The following IQGAP1 variants were observed in gnomAD, a reference collection of about 807,000 sequenced individuals.
IQGAP1 encodes IQ motif containing GTPase activating protein 1.
In IQGAP1, 66 loss-of-function variants were observed where a neutral mutation model predicts 215.6. The ratio of observed to expected loss-of-function variants is 0.31; its 90% CI spans 0.25 to 0.38. IQGAP1 has a LOEUF of 0.38. Among genes scored for constraint, IQGAP1 ranks in the 10% least tolerant of loss-of-function variants. IQGAP1 has a pLI of 1.00. For synonymous variants in IQGAP1, 772 were observed against 728.7 expected (o/e 1.06, Z -0.96); for missense variants, 1,712 against 1,997.1 (o/e 0.86, Z 2.72).
chr15:90,416,847 G>C (rs1965058482), intron 2 of IQGAP1, among the ~76,000 whole-genome samples: 1 of 152,158 alleles, frequency 6.6e-6, no homozygotes, highest in African/African-American at 2.4e-5. Context: ...AAAGTGCTGG[G>C]ATTACAGACG....
In IQGAP1 at chr15:90,500,186, T is replaced by C. The variant is rs947913818; in HGVS notation, c.*78T>C. 9 of 807,446 alleles carry C rather than the reference T, an allele frequency of 1.1e-5. No homozygotes were observed. The highest frequency in any genetic ancestry group is 2.3e-4 in the Middle Eastern group (1 of 4,434). The allele number at this position is 807,446 out of a possible 1,614,324, so 50.0% of individuals were successfully genotyped here. ...TCCTTTCTAGGTCCTTCTTTCCTCA[T>C]TGGAAGCAAAGACCTAGCCAACAAC... On this transcript the variant is annotated 3_prime_UTR_variant, in exon 38 of 38. Coordinates refer to ENST00000268182, the MANE Select transcript of IQGAP1 (RefSeq NM_003870.4).
intron 34 of IQGAP1, 104 bp from the exon 35 acceptor site, chr15:90,492,441 A>G (rs1249508072): frequency 6.0e-6 from 4 of 667,918 alleles, no homozygotes; most frequent in South Asian, 2.7e-5. Flanking sequence ...AAAAAAAAAA[A>G]GTAGGTAGTC....
At chr15:90,398,452 AAAG>A (rs1269162236) in intron 2 of IQGAP1, among the ~76,000 whole-genome samples, 5 of 152,338 alleles carry the variant, frequency 3.3e-5, no homozygotes, top group South Asian at 2.1e-4. Flanking sequence ...TAATAAAGGA[AAAG>A]AAGGGATTAA....
chr15:90,429,284 G>A (rs1173082547), intron 3 of IQGAP1, among the ~76,000 whole-genome samples: 2 of 152,194 alleles, frequency 1.3e-5, no homozygotes, highest in Non-Finnish European at 2.9e-5. Context: ...TGTCCCTAAA[G>A]GATGAAGTGG....
At chr15:90,424,230 C>T (rs541985043) in intron 2 of IQGAP1, among the ~76,000 whole-genome samples, 202 of 152,222 alleles carry the variant, frequency 1.3e-3, no homozygotes, top group Admixed American at 2.7e-3. Flanking sequence ...CACTATTTTC[C>T]GTACCGACAA....
At chr15:90,440,996 A>G (rs555382752) in intron 7 of IQGAP1, among the ~76,000 whole-genome samples, 24 of 152,056 alleles carry the variant, frequency 1.6e-4, no homozygotes, top group Non-Finnish European at 2.6e-4. Context: ...AATCCCAGCT[A>G]CTCGGGAGGC....
intron 2 of IQGAP1, among the ~76,000 whole-genome samples, chr15:90,395,135 T>A (rs1171865227): frequency 6.6e-6 from 1 of 152,206 alleles, no homozygotes; most frequent in Non-Finnish European, 1.5e-5. Context: ...GCTTCAATAT[T>A]GAAATTAAGC....
intron 19 of IQGAP1, 189 bp downstream of exon 19, chr15:90,473,199 G>T: frequency 1.8e-6 from 1 of 561,528 alleles, no homozygotes; most frequent in South Asian, 2.3e-5. Context: ...TTTAATGCTG[G>T]CACAGTGGCA....
chr15:90,459,701 T>G (rs1231350864), intron 15 of IQGAP1, among the ~76,000 whole-genome samples: 5 of 152,248 alleles, frequency 3.3e-5, no homozygotes, highest in South Asian at 2.1e-4. Context: ...TGGTTTGGGT[T>G]TTTTGTTTTG....
At chr15:90,418,377 A>C (rs2151010547) in intron 2 of IQGAP1, among the ~76,000 whole-genome samples, 1 of 152,252 alleles carries the variant, frequency 6.6e-6, no homozygotes, top group Non-Finnish European at 1.5e-5. Flanking sequence ...CCTTGAGCCC[A>C]GGAGTTGGAG....
In IQGAP1 at chr15:90,477,235, G is replaced by A. The variant is rs367549482; in HGVS notation, c.3104+5G>A. ...AGCACTCCAAGAGGAAATCAAGTAT[G>A]AACAGATTTCCTCAGGGCACAGGCC... On this transcript the variant is annotated splice_donor_5th_base_variant and intron_variant, in intron 25 of 37. Transcript: ENST00000268182. The A allele has an allele frequency of 6.2e-6, 10 of 1,613,402 alleles. No individual in the cohort carries two copies. The highest frequency in any genetic ancestry group is 3.3e-5 in the South Asian group (3 of 90,982).
rs1288215544 is a variant in IQGAP1 at position 90,466,052 on chromosome 15, A to C, written c.1828A>C (p.Ile610Leu). Residue 610 changes from isoleucine to leucine, a missense_variant, in exon 16 of 38, where the codon ATC becomes CTC. This residue lies in a region of IQGAP1 where 1,021 missense variants were observed against 1,074.2 expected (regional missense o/e 0.95). Coordinates refer to ENST00000268182, the MANE Select transcript of IQGAP1 (RefSeq NM_003870.4). ...VLWLDEIQGGIWQSNKDTQEA... is the reference protein window; with the variant it reads ...VLWLDEIQGGLWQSNKDTQEA... ...ATGGTTGGATGAAATTCAAGGTGGA[A>C]TCTGGCAGTCCAACAAAGACACCCA... is the stretch of plus-strand genomic sequence containing the variant. 1 of 1,614,160 alleles carries C rather than the reference A, an allele frequency of 6.2e-7. No homozygotes were observed. The highest frequency in any genetic ancestry group is 1.1e-5 in the South Asian group (1 of 91,076).
intron 1 of IQGAP1, among the ~76,000 whole-genome samples, chr15:90,389,954 CAA>C (rs5814431): frequency 0.25 from 31,724 of 124,792 alleles, 3,533 homozygotes; most frequent in Middle Eastern, 0.33. Context: ...GACCCTGTCT[CAA>C]AAAAAAAAAA....
At chr15:90,454,164 C>A (rs937745936) in intron 13 of IQGAP1, among the ~76,000 whole-genome samples, 5 of 152,112 alleles carry the variant, frequency 3.3e-5, no homozygotes, top group African/African-American at 1.2e-4. Context: ...CATGTGTAGC[C>A]TTTTTTTCTT....
At chr15:90,421,092 G>C (rs1184154080) in intron 2 of IQGAP1, among the ~76,000 whole-genome samples, 1 of 152,162 alleles carries the variant, frequency 6.6e-6, no homozygotes, top group Non-Finnish European at 1.5e-5. Flanking sequence ...AGCTGAGATC[G>C]TGCCATTGCA....
intron 10 of IQGAP1, among the ~76,000 whole-genome samples, chr15:90,449,169 G>GTT (rs1011182563): frequency 1.4e-5 from 2 of 144,616 alleles, no homozygotes; most frequent in African/African-American, 2.5e-5. Context: ...TATTTCGTGG[G>GTT]TTTTTTTTTT....
chr15:90,406,819 G>A (rs2151005413), intron 2 of IQGAP1, among the ~76,000 whole-genome samples: 1 of 152,272 alleles, frequency 6.6e-6, no homozygotes, highest in Admixed American at 6.5e-5. Flanking sequence ...CTACATTGGA[G>A]TTCAAAAAGT....
chr15:90,445,164 G>T lies in IQGAP1; in HGVS notation c.913+1686G>T, dbSNP rs542231927. 2.0e-3 allele frequency among the ~76,000 whole-genome samples: 306 copies of T among 151,406 alleles called. 1 individual carries two copies. The highest frequency in any genetic ancestry group is 7.2e-3 in the African/African-American group (297 of 41,236). ...ATTTTTTTTTTTTAAAAAAGAATCT[G>T]GCTCTGAAGTGGTACTGACCTGGTA... On this transcript the variant is annotated intron_variant, in intron 9 of 37. Coordinates refer to ENST00000268182, the MANE Select transcript of IQGAP1 (RefSeq NM_003870.4).
intron 11 of IQGAP1, 76 bp downstream of exon 11, chr15:90,449,719 C>A: frequency 8.3e-7 from 1 of 1,207,236 alleles, no homozygotes; most frequent in Non-Finnish European, 1.2e-6. Flanking sequence ...TAGCTTCTGT[C>A]ATCGTCATCA....
Sources: gnomAD v4.1 joint callset for allele counts (sites outside exome capture counted in the v4.1 genomes callset) on GRCh38, gnomAD v4.1.1 for gene constraint, gnomAD v4.1.1 regional missense constraint, MANE v1.5 for transcripts, NCBI Gene and HGNC (gene_info 2026-07-23, HGNC 2026-07-21) for gene names.